INPP4B: variants seen among roughly 807,000 people sequenced by gnomAD.
The protein encoded by INPP4B is inositol polyphosphate-4-phosphatase type II B, also known as inositol polyphosphate 4-phosphatase type II.
INPP4B carries 55 observed loss-of-function variants against 122.5 expected under a neutral mutation model. That is an observed-to-expected ratio of 0.45 (90% CI 0.36 to 0.56). The LOEUF is 0.56. Ranked by LOEUF, INPP4B falls within the 20% of genes least tolerant of loss-of-function variation. The pLI is 0.00. For missense variants in INPP4B, 1,000 were observed against 1,097.7 expected (o/e 0.91, Z 1.26); for synonymous variants, 403 against 388.7 (o/e 1.04, Z -0.43).
At chr4:142,844,881 G>C (rs1171804051) in intron 1 of INPP4B, among the ~76,000 whole-genome samples, 1 of 152,208 alleles carries the variant, frequency 6.6e-6, no homozygotes, top group African/African-American at 2.4e-5. Context: ...CATCTTGAGA[G>C]AGAGAAGATG....
At chr4:142,327,666 A>G (rs1031273673) in intron 7 of INPP4B, among the ~76,000 whole-genome samples, 1 of 151,968 alleles carries the variant, frequency 6.6e-6, no homozygotes, top group African/African-American at 2.4e-5. Context: ...AGTTTTAAAA[A>G]CTGCTGATTC....
At chr4:142,420,380 G>A (rs1019395261) in intron 5 of INPP4B, among the ~76,000 whole-genome samples, 4 of 152,050 alleles carry the variant, frequency 2.6e-5, no homozygotes, top group African/African-American at 9.7e-5. Flanking sequence ...ATTAATTGAT[G>A]TATCATATCT....
rs749347339 is a variant in INPP4B, at chr4:142,839,193, C to T, written c.-254+7016G>A. ...AAACTTTGGCTGGGTCTGGTAGGCTCATGCCTGTAGTCCCATCACTTTTGG... is the reference window on the plus strand; with the variant it reads ...AAACTTTGGCTGGGTCTGGTAGGCTTATGCCTGTAGTCCCATCACTTTTGG... On this transcript the variant is annotated intron_variant, in intron 1 of 25. Transcript: ENST00000262992. Among the ~76,000 whole-genome samples, 35 of 152,328 alleles carry T rather than the reference C, an allele frequency of 2.3e-4. 1 individual carries two copies. The highest frequency in any genetic ancestry group is 8.3e-4 in the South Asian group (4 of 4,826).
At chr4:142,530,576 TATAC>T (rs747392658) in intron 2 of INPP4B, among the ~76,000 whole-genome samples, 29 of 124,610 alleles carry the variant, frequency 2.3e-4, no homozygotes, top group East Asian at 4.2e-4. Flanking sequence ...TATATATATA[TATAC>T]ACACACACAC....
chr4:142,310,294 A>G (rs904568055), intron 8 of INPP4B, among the ~76,000 whole-genome samples: 1 of 152,224 alleles, frequency 6.6e-6, no homozygotes, highest in Admixed American at 6.5e-5. Context: ...TAGAATGCTT[A>G]GTATGAAAAA....
chr4:142,751,260 C>A (rs1451298583), intron 1 of INPP4B, among the ~76,000 whole-genome samples: 2 of 112,008 alleles, frequency 1.8e-5, no homozygotes, highest in Non-Finnish European at 1.9e-5. Flanking sequence ...CATAAAAAGC[C>A]AAAGTAATGG....
At chr4:142,548,081 A>G (rs1485979571) in intron 2 of INPP4B, among the ~76,000 whole-genome samples, 1 of 152,188 alleles carries the variant, frequency 6.6e-6, no homozygotes, top group Non-Finnish European at 1.5e-5. Context: ...ACTCTGGCCA[A>G]CGTTAAGCTT....
rs3076617 is a variant in INPP4B at position 142,461,806 on chromosome 4, AAC to A, written c.-127+855_-127+856del. 6.3e-3 allele frequency among the ~76,000 whole-genome samples: 950 copies of A among 150,744 alleles called. 14 individuals carry two copies. The highest frequency in any genetic ancestry group is 0.022 in the African/African-American group (895 of 41,168). ...AAATATTAAGTTAAATAAAAGTACA[AAC>A]ACACACACACACACACGTTGGGGTA... On this transcript the variant is annotated intron_variant, in intron 3 of 25. Coordinates refer to ENST00000262992, the MANE Select transcript of INPP4B (RefSeq NM_001101669.3).
chr4:142,732,806 CTTT>C (rs944413825), intron 1 of INPP4B, among the ~76,000 whole-genome samples: 40 of 152,008 alleles, frequency 2.6e-4, no homozygotes, highest in African/African-American at 8.7e-4. Flanking sequence ...TCCCAGTAGT[CTTT>C]TTTTAATATA....
At chr4:142,399,339 G>A (rs1800855185) in intron 7 of INPP4B, among the ~76,000 whole-genome samples, 1 of 151,926 alleles carries the variant, frequency 6.6e-6, no homozygotes, top group Non-Finnish European at 1.5e-5. Context: ...TGGGATTACA[G>A]GCGTGTGCCA....
intron 15 of INPP4B, among the ~76,000 whole-genome samples, chr4:142,178,853 T>C (rs910048349): frequency 1.9e-4 from 26 of 136,258 alleles, no homozygotes; most frequent in African/African-American, 6.1e-4. Flanking sequence ...AAAAAAAATG[T>C]GGTCTCTTGA....
intron 1 of INPP4B, among the ~76,000 whole-genome samples, chr4:142,769,914 AAAAAAAT>A (rs1183410862): frequency 2.0e-5 from 3 of 152,130 alleles, no homozygotes; most frequent in Non-Finnish European, 2.9e-5. Flanking sequence ...ACCCTGTCTC[AAAAAAAT>A]AAAAAATAAA....
At chr4:142,084,225 G>A (rs1227122763) in intron 24 of INPP4B, among the ~76,000 whole-genome samples, 3 of 152,186 alleles carry the variant, frequency 2.0e-5, no homozygotes, top group Non-Finnish European at 4.4e-5. Flanking sequence ...CCTGGTTCAA[G>A]CGATTCTCCT....
chr4:142,217,416 A>G (rs1324527118), intron 12 of INPP4B, among the ~76,000 whole-genome samples: 1 of 152,116 alleles, frequency 6.6e-6, no homozygotes, highest in Non-Finnish European at 1.5e-5. Flanking sequence ...TTGCTTGCAG[A>G]TTGTTGTTCT....
At chr4:142,564,469 A>G (rs910061611) in intron 2 of INPP4B, among the ~76,000 whole-genome samples, 1 of 148,026 alleles carries the variant, frequency 6.8e-6, no homozygotes, top group Non-Finnish European at 1.5e-5. Flanking sequence ...GAAAGAAAGA[A>G]AGAAAGAAAA....
At chr4:142,118,907 T>C (rs773337452) in intron 21 of INPP4B, among the ~76,000 whole-genome samples, 30 of 151,844 alleles carry the variant, frequency 2.0e-4, no homozygotes, top group Non-Finnish European at 4.3e-4. Flanking sequence ...TGACAAAGGG[T>C]TAATATCCAG....
At chr4:142,328,016 G>A (rs1161718311) in intron 7 of INPP4B, among the ~76,000 whole-genome samples, 1 of 152,118 alleles carries the variant, frequency 6.6e-6, no homozygotes. Flanking sequence ...AAAGATCCCA[G>A]TTTTCCTGAA....
chr4:142,571,089 CAAAA>C (rs374253787), intron 2 of INPP4B, among the ~76,000 whole-genome samples: 1 of 84,250 alleles, frequency 1.2e-5, no homozygotes. Context: ...TCATGTTTCT[CAAAA>C]AAAAAAAAAA....
At chr4:142,640,812 T>C (rs1413253492) in intron 2 of INPP4B, among the ~76,000 whole-genome samples, 1 of 151,822 alleles carries the variant, frequency 6.6e-6, no homozygotes, top group Non-Finnish European at 1.5e-5. Flanking sequence ...TCAATAATCA[T>C]ATGAAAAAGT....
Sources: allele counts gnomAD v4.1 joint callset (sites outside exome capture counted in the v4.1 genomes callset), GRCh38; gene constraint gnomAD v4.1.1; transcripts MANE v1.5; gene names NCBI Gene and HGNC (gene_info 2026-07-23, HGNC 2026-07-21).